PRIM2: variants seen among roughly 807,000 people sequenced by gnomAD.
PRIM2 encodes the protein DNA primase large subunit.
Under a neutral mutation model 67.3 loss-of-function variants are expected in PRIM2, and 39 were observed. The ratio of observed to expected loss-of-function variants is 0.58; its 90% confidence interval spans 0.45 to 0.76. The LOEUF is 0.76. Among genes scored for constraint, PRIM2 ranks in the 30% least tolerant of loss-of-function variants. The pLI, the probability that PRIM2 is intolerant of heterozygous loss-of-function variation, is 0.00. For missense variants in PRIM2, 398 were observed against 598.7 expected (o/e 0.66, Z 3.50); for synonymous variants, 143 against 198.7 (o/e 0.72, Z 2.36).
At chr6:57,434,432 T>A (rs1370935124) in intron 7 of PRIM2, among the ~76,000 whole-genome samples, 2 of 149,558 alleles carry the variant, frequency 1.3e-5, no homozygotes, top group African/African-American at 4.9e-5. Flanking sequence ...ATTAAAGCCT[T>A]AAAAAAAAAA....
chr6:57,501,603 T>C (rs1199509444), intron 7 of PRIM2, among the ~76,000 whole-genome samples: 2 of 152,112 alleles, frequency 1.3e-5, no homozygotes. Context: ...CCTGGCTGGA[T>C]TTCAGTGTTT....
At chr6:57,441,163 CTG>C (rs5876566) in intron 7 of PRIM2, among the ~76,000 whole-genome samples, 2 of 152,204 alleles carry the variant, frequency 1.3e-5, no homozygotes, top group African/African-American at 2.4e-5. Context: ...GTTCACAACT[CTG>C]TGCATTCTTT....
chr6:57,236,595 G>C, the PRIM2 span, among the ~76,000 whole-genome samples: 1 of 151,918 alleles, frequency 6.6e-6, no homozygotes, highest in African/African-American at 2.4e-5. Context: ...GCCCTGGTGT[G>C]TGATGTTCCC....
upstream of PRIM2, among the ~76,000 whole-genome samples, chr6:57,313,630 G>T (rs769619237): frequency 2.0e-5 from 3 of 152,178 alleles, no homozygotes; most frequent in East Asian, 5.8e-4. Context: ...CCGAGAGGTA[G>T]GCAGTGAAAT....
At chr6:57,420,602 A>C (rs1771432128) in intron 7 of PRIM2, among the ~76,000 whole-genome samples, 1 of 152,220 alleles carries the variant, frequency 6.6e-6, no homozygotes, top group Non-Finnish European at 1.5e-5. Flanking sequence ...TTCCATGTTC[A>C]GCTAACAATC....
At chr6:57,315,923 C>G (rs1767472970), upstream of PRIM2, among the ~76,000 whole-genome samples, 1 of 152,058 alleles carries the variant, frequency 6.6e-6, no homozygotes. Flanking sequence ...AGTTTATATG[C>G]TTTCAGGTGT....
intron 10 of PRIM2, among the ~76,000 whole-genome samples, chr6:57,579,849 G>A (rs1159193871): frequency 1.3e-5 from 2 of 151,912 alleles, no homozygotes; most frequent in African/African-American, 4.8e-5. Context: ...GAAACTTGGA[G>A]TGACAATGTT....
the PRIM2 span, among the ~76,000 whole-genome samples, chr6:57,247,876 T>C: frequency 2.6e-5 from 4 of 152,158 alleles, no homozygotes; most frequent in Non-Finnish European, 5.9e-5. Flanking sequence ...GACTAGTGGG[T>C]GAGCATGAGT....
intron 5 of PRIM2, among the ~76,000 whole-genome samples, chr6:57,358,613 A>C (rs1478649676): frequency 6.6e-6 from 1 of 152,244 alleles, no homozygotes; most frequent in African/African-American, 2.4e-5. Flanking sequence ...ATGTAATTGA[A>C]GTTAATGTAG....
At chr6:57,600,189 TC>T in intron 10 of PRIM2, among the ~76,000 whole-genome samples, 1 of 152,306 alleles carries the variant, frequency 6.6e-6, no homozygotes, top group South Asian at 2.1e-4. Flanking sequence ...CCTTTTGTTC[TC>T]CTGTCTGACT....
the PRIM2 span, among the ~76,000 whole-genome samples, chr6:57,299,870 G>A: frequency 1.3e-5 from 2 of 152,136 alleles, no homozygotes; most frequent in Non-Finnish European, 2.9e-5. Context: ...GCTCCTCAGG[G>A]GCAGAGGGGT....
intron 7 of PRIM2, among the ~76,000 whole-genome samples, chr6:57,423,931 C>T (rs9475937): frequency 0.041 from 6,249 of 152,198 alleles, 416 homozygotes; most frequent in African/African-American, 0.14. Flanking sequence ...TGTGTGCCTG[C>T]ACAGGAGTGC....
At chr6:57,606,340 C>T in intron 11 of PRIM2, 35 bp from the exon 12 acceptor site, 2 of 1,537,056 alleles carry the variant, frequency 1.3e-6, no homozygotes, top group Non-Finnish European at 1.8e-6. Context: ...GGATAAATAA[C>T]CTTGTTTGTG....
the PRIM2 span, among the ~76,000 whole-genome samples, chr6:57,252,448 C>CT: frequency 4.3e-4 from 64 of 149,436 alleles, no homozygotes; most frequent in Non-Finnish European, 7.5e-4. Flanking sequence ...CCTTCTTTTT[C>CT]TTTTTTTTTT....
chr6:57,434,419 T>C (rs373652791), intron 7 of PRIM2, among the ~76,000 whole-genome samples: 9 of 152,034 alleles, frequency 5.9e-5, no homozygotes, highest in African/African-American at 1.4e-4. Flanking sequence ...AGCCATGTAA[T>C]TGATTAAAGC....
At chr6:57,463,003 A>G (rs1451948986) in intron 7 of PRIM2, among the ~76,000 whole-genome samples, 1 of 152,098 alleles carries the variant, frequency 6.6e-6, no homozygotes, top group Non-Finnish European at 1.5e-5. Context: ...ATATCAGAGC[A>G]GGCTTGTGTT....
At chr6:57,602,661 A>G (rs1219669799) in intron 11 of PRIM2, among the ~76,000 whole-genome samples, 29 of 152,256 alleles carry the variant, frequency 1.9e-4, no homozygotes, top group African/African-American at 7.0e-4. Flanking sequence ...TCTCTTAATT[A>G]GTTGGTTTTC....
intron 7 of PRIM2, among the ~76,000 whole-genome samples, chr6:57,454,698 G>C (rs1772695216): frequency 1.3e-5 from 2 of 152,014 alleles, no homozygotes; most frequent in East Asian, 1.9e-4. Context: ...AGTCTTGCTA[G>C]TGGTCTATCA....
chr6:57,616,040 C>A (rs1776751418), intron 12 of PRIM2, among the ~76,000 whole-genome samples: 1 of 152,148 alleles, frequency 6.6e-6, no homozygotes, highest in African/African-American at 2.4e-5. Flanking sequence ...AGTTGTAGTT[C>A]ATTGTAATAT....
Sources: allele counts gnomAD v4.1 joint callset (sites outside exome capture counted in the v4.1 genomes callset), GRCh38; gene constraint gnomAD v4.1.1; transcripts MANE v1.5; gene names NCBI Gene and HGNC (gene_info 2026-07-23, HGNC 2026-07-21).